Variants in EPM2A observed in about 807,000 individuals in gnomAD.
The protein encoded by EPM2A is laforin.
In EPM2A, 21 loss-of-function variants were observed where a neutral mutation model predicts 26.5. That is an observed-to-expected ratio of 0.79 (90% CI 0.56 to 1.14). The LOEUF (loss-of-function observed/expected upper bound fraction) is 1.14. Among genes scored for constraint, EPM2A ranks in the 50% most tolerant of loss-of-function variants. EPM2A has a pLI of 0.00. For synonymous variants in EPM2A, 217 were observed against 177.6 expected, an observed-to-expected ratio of 1.22 and a Z score of -1.76; for missense variants, 458 against 440.8, an observed-to-expected ratio of 1.04 and a Z score of -0.35.
chr6:145,723,515 A>T (rs2128640247), intron 1 of EPM2A, among the ~76,000 whole-genome samples: 1 of 152,306 alleles, frequency 6.6e-6, no homozygotes, highest in Middle Eastern at 3.4e-3. Flanking sequence ...TTTGCAAAAA[A>T]TTTAAGAATA....
In EPM2A at chr6:145,735,320, C is replaced by A. The variant is rs1332729329; in HGVS notation, c.179G>T (p.Trp60Leu). The change falls in exon 1 of 4, where the codon TGG becomes TTG. Residue 60 changes from tryptophan (W) to leucine (L), a missense_variant. Coordinates refer to ENST00000367519, the MANE Select transcript of EPM2A (RefSeq NM_005670.4). Reference protein sequence around the residue: ...GALALQEPGLWLGEVELAAEE... With the variant: ...GALALQEPGLLLGEVELAAEE... Reference sequence around the variant, plus strand: ...GGCCGCCAGCTCCACCTCCCCGAGCCACAGGCCCGGCTCCTGCAGGGCCAG... The same window carrying A: ...GGCCGCCAGCTCCACCTCCCCGAGCAACAGGCCCGGCTCCTGCAGGGCCAG... 4 of 1,461,264 alleles carry A rather than the reference C, an allele frequency of 2.7e-6. No homozygotes were observed. In the African/African-American group the frequency reaches 5.9e-5, roughly 22 times the overall value. The allele number at this position is 1,461,264 out of a possible 1,614,324, so 90.5% of individuals were successfully genotyped here. A position where few individuals can be genotyped will look rare whatever the true frequency, so the allele number is the denominator to read the frequency against.
chr6:145,528,567 T>G (rs1780311161), intron 2 of EPM2A, among the ~76,000 whole-genome samples: 1 of 152,192 alleles, frequency 6.6e-6, no homozygotes, highest in Non-Finnish European at 1.5e-5. Flanking sequence ...TTACTGAATA[T>G]TTTATGCTTG....
chr6:145,613,676 G>C lies in EPM2A; in HGVS notation c.340+21569C>G, dbSNP rs148515909. On this transcript the variant is annotated intron_variant, in intron 2 of 3. Coordinates refer to the EPM2A transcript ENST00000450221. ...CTAGACATATTTATCAAAACCTTTG[G>C]GTGAGCAGGTATCTTGTCAATAAGC... 2.5e-3 allele frequency among the ~76,000 whole-genome samples: 374 copies of C among 152,152 alleles called. 4 individuals are homozygous for C. The highest frequency in any genetic ancestry group is 8.5e-3 in the African/African-American group (351 of 41,500).
intron 2 of EPM2A, among the ~76,000 whole-genome samples, chr6:145,508,848 G>GCAAAATGAT (rs1780014949): frequency 6.6e-6 from 1 of 152,122 alleles, no homozygotes; most frequent in Non-Finnish European, 1.5e-5. Flanking sequence ...AAACAAGCCA[G>GCAAAATGAT]CAAAATGATC....
At chr6:145,467,613 C>T (rs1353336950) in intron 4 of EPM2A, among the ~76,000 whole-genome samples, 1 of 152,096 alleles carries the variant, frequency 6.6e-6, no homozygotes, top group South Asian at 2.1e-4. Flanking sequence ...TTAAATTAAA[C>T]ATGTCAAGGT....
intron 2 of EPM2A, among the ~76,000 whole-genome samples, chr6:145,541,555 A>T (rs1031978275): frequency 3.3e-5 from 5 of 152,160 alleles, no homozygotes; most frequent in Admixed American, 2.0e-4. Context: ...AATGCTTCCA[A>T]AGTTGCCAAT....
At chr6:145,712,899 C>T (rs1175550345) in intron 1 of EPM2A, among the ~76,000 whole-genome samples, 1 of 152,038 alleles carries the variant, frequency 6.6e-6, no homozygotes, top group Non-Finnish European at 1.5e-5. Context: ...GTAAAGGGCA[C>T]CAATTTTTCT....
intron 2 of EPM2A, among the ~76,000 whole-genome samples, chr6:145,642,155 C>A (rs1777133332): frequency 6.6e-6 from 1 of 152,082 alleles, no homozygotes; most frequent in South Asian, 2.1e-4. Flanking sequence ...AAGATTGAGG[C>A]AAATAACCAG....
At chr6:145,581,197 C>T (rs112031835) in intron 2 of EPM2A, among the ~76,000 whole-genome samples, 241 of 152,154 alleles carry the variant, frequency 1.6e-3, no homozygotes, top group African/African-American at 5.2e-3. Flanking sequence ...ATAGCCATTC[C>T]GACTGGTGCA....
At chr6:145,545,467 C>T (rs936566958) in intron 2 of EPM2A, among the ~76,000 whole-genome samples, 3 of 152,190 alleles carry the variant, frequency 2.0e-5, no homozygotes, top group Admixed American at 6.5e-5. Flanking sequence ...ACATATTCCT[C>T]GTAAAATAGT....
chr6:145,395,114 T>A (rs1167372709), intron 4 of EPM2A, among the ~76,000 whole-genome samples: 1 of 2,836 alleles, frequency 3.5e-4, no homozygotes, highest in Non-Finnish European at 1.0e-3. Context: ...CTTTAAGGCA[T>A]TTTTTCCTCC....
At chr6:145,411,456 T>A (rs1778642220) in intron 4 of EPM2A, among the ~76,000 whole-genome samples, 1 of 152,090 alleles carries the variant, frequency 6.6e-6, no homozygotes, top group African/African-American at 2.4e-5. Flanking sequence ...ACAGTTCAAA[T>A]GCACTCAGAC....
At chr6:145,420,950 T>G (rs1778773381) in intron 4 of EPM2A, among the ~76,000 whole-genome samples, 1 of 152,046 alleles carries the variant, frequency 6.6e-6, no homozygotes, top group African/African-American at 2.4e-5. Flanking sequence ...ATTAATCCAT[T>G]TATGAGAGCA....
At chr6:145,623,642 A>T (rs2128554225), downstream of EPM2A, among the ~76,000 whole-genome samples, 1 of 152,286 alleles carries the variant, frequency 6.6e-6, no homozygotes, top group South Asian at 2.1e-4. Context: ...GCTTTTAAAC[A>T]CAGGAGTGAC....
At chr6:145,499,127 T>A (rs1047800770), downstream of EPM2A, among the ~76,000 whole-genome samples, 3 of 152,198 alleles carry the variant, frequency 2.0e-5, no homozygotes, top group Non-Finnish European at 2.9e-5. Context: ...AATTTCTGAA[T>A]AAATTATGGG....
chr6:145,387,981 A>G (rs573223367), intron 4 of EPM2A, among the ~76,000 whole-genome samples: 2 of 152,226 alleles, frequency 1.3e-5, no homozygotes, highest in African/African-American at 4.8e-5. Flanking sequence ...GTTTGTATTC[A>G]TTTGGGTGTT....
At chr6:145,588,592 T>C (rs1028449603) in intron 2 of EPM2A, among the ~76,000 whole-genome samples, 1 of 152,224 alleles carries the variant, frequency 6.6e-6, no homozygotes, top group Non-Finnish European at 1.5e-5. Context: ...ATGTTGTTTT[T>C]TCCTTTGAGC....
At chr6:145,579,040 T>C (rs1781075802) in intron 2 of EPM2A, among the ~76,000 whole-genome samples, 1 of 152,000 alleles carries the variant, frequency 6.6e-6, no homozygotes, top group African/African-American at 2.4e-5. Context: ...TTAGGAGATA[T>C]ACCTAATGTT....
chr6:145,512,861 A>C (rs1047549523), intron 2 of EPM2A, among the ~76,000 whole-genome samples: 8 of 152,108 alleles, frequency 5.3e-5, no homozygotes, highest in Admixed American at 2.0e-4. Context: ...CTGGCTAGCC[A>C]CATGCAGAAG....
Sources: allele counts gnomAD v4.1 joint callset (sites outside exome capture counted in the v4.1 genomes callset), GRCh38; gene constraint gnomAD v4.1.1; transcripts MANE v1.5; gene names NCBI Gene and HGNC (gene_info 2026-07-23, HGNC 2026-07-21).